Variants in FAM184A observed in about 807,000 individuals in gnomAD.
The protein encoded by FAM184A is family with sequence similarity 184 member A, also known as protein FAM184A.
A neutral mutation model predicts 143.8 loss-of-function variants in FAM184A; 99 were observed. The ratio of observed to expected loss-of-function variants is 0.69; its 90% CI spans 0.58 to 0.81. The LOEUF is 0.81. FAM184A is among the 40% of genes least tolerant of loss of function. The pLI, the probability that FAM184A is intolerant of heterozygous loss-of-function variation, is 0.00. For missense variants in FAM184A, 1,217 were observed against 1,310.5 expected, an observed-to-expected ratio of 0.93 and a Z score of 1.10; for synonymous variants, 427 against 446.4, an observed-to-expected ratio of 0.96 and a Z score of 0.55.
chr6:119,084,779 C>T (rs1788170826), intron 1 of FAM184A, among the ~76,000 whole-genome samples: 1 of 152,236 alleles, frequency 6.6e-6, no homozygotes, highest in Non-Finnish European at 1.5e-5. Context: ...CATACACCCT[C>T]TGAAATCTAG....
Position 119,024,124 on chromosome 6 carries a change from C to T in FAM184A, c.849G>A (p.Lys283=). 6 of 1,614,064 alleles carry T rather than the reference C, an allele frequency of 3.7e-6. No homozygotes were observed. The South Asian group carries it at 6.6e-5, about 18-fold the overall frequency. The stretch of plus-strand genomic sequence containing the variant: ...GAAATTCTTTTCTAAGATCAGCTTC[C>T]TTTTCTTTGCTGGCCTGTAGGCTTT... ...TAESLQASKE[K]EADLRKEFQG... Residue 283 remains lysine (K), a synonymous_variant, in exon 2 of 18, where the codon AAG becomes AAA. Transcript: ENST00000338891.
At chr6:119,005,112 G>A (rs1211348161) in intron 7 of FAM184A, among the ~76,000 whole-genome samples, 1 of 151,928 alleles carries the variant, frequency 6.6e-6, no homozygotes, top group Non-Finnish European at 1.5e-5. Flanking sequence ...TGGTCATCGA[G>A]TTCAGCTTCA....
At chr6:119,058,616 G>C (rs1787102188) in intron 1 of FAM184A, among the ~76,000 whole-genome samples, 1 of 152,184 alleles carries the variant, frequency 6.6e-6, no homozygotes. Context: ...GAGCCTGGCA[G>C]CTTCTTTCTC....
At chr6:118,960,304 G>T in intron 17 of FAM184A, 120 bp from the exon 18 acceptor site, 1 of 739,018 alleles carries the variant, frequency 1.4e-6, no homozygotes, top group Non-Finnish European at 2.2e-6. Flanking sequence ...TGTAAGTCGT[G>T]TTTTAAAGAT....
chr6:119,141,930 C>T (rs706984), intron 1 of FAM184A, among the ~76,000 whole-genome samples: 5,268 of 152,286 alleles, frequency 0.035, 287 homozygotes, highest in African/African-American at 0.12. Flanking sequence ...TACATCATCT[C>T]CTTAAAGGAA....
chr6:119,139,232 C>G (rs1772127428), intron 1 of FAM184A, among the ~76,000 whole-genome samples: 1 of 152,210 alleles, frequency 6.6e-6, no homozygotes, highest in Non-Finnish European at 1.5e-5. Context: ...ACAACCAAAG[C>G]TAAATCAGCC....
rs1783672574 is a variant in FAM184A, at chr6:118,970,805, A to G, written c.2915+3623T>C. Reference sequence around the variant, plus strand: ...TTAGGGCCACTGATGGATTCTCACCAGGCATGCATGCCCTGCTTTCTTTGG... The same window carrying G: ...TTAGGGCCACTGATGGATTCTCACCGGGCATGCATGCCCTGCTTTCTTTGG... On this transcript the variant is annotated intron_variant, in intron 14 of 17. Transcript: ENST00000338891. 2.6e-5 allele frequency among the ~76,000 whole-genome samples: 4 copies of G among 152,252 alleles called. No individual in the cohort carries two copies. In the South Asian group the frequency reaches 6.2e-4, roughly 24 times the overall value.
chr6:119,144,048 G>A (rs1258691379), intron 1 of FAM184A, among the ~76,000 whole-genome samples: 1 of 152,052 alleles, frequency 6.6e-6, no homozygotes, highest in Non-Finnish European at 1.5e-5. Flanking sequence ...CCTCATTCAA[G>A]GAAATATTGT....
intron 1 of FAM184A, among the ~76,000 whole-genome samples, chr6:119,121,142 T>C (rs1011010400): frequency 3.3e-5 from 5 of 151,646 alleles, no homozygotes; most frequent in Non-Finnish European, 7.4e-5. Flanking sequence ...AAGTTTTTCA[T>C]TTGTTTTGAG....
At chr6:119,010,477 C>A (rs1785055669) in intron 6 of FAM184A, among the ~76,000 whole-genome samples, 1 of 152,076 alleles carries the variant, frequency 6.6e-6, no homozygotes, top group African/African-American at 2.4e-5. Flanking sequence ...TTAAATTATA[C>A]AAATTATTTT....
At chr6:119,098,745 T>A (rs1788570291) in intron 1 of FAM184A, among the ~76,000 whole-genome samples, 1 of 152,204 alleles carries the variant, frequency 6.6e-6, no homozygotes, top group South Asian at 2.1e-4. Context: ...CAGAGTTCAG[T>A]CCTCAATTCT....
At chr6:119,041,469 C>T (rs1786328678) in intron 1 of FAM184A, among the ~76,000 whole-genome samples, 1 of 152,178 alleles carries the variant, frequency 6.6e-6, no homozygotes, top group African/African-American at 2.4e-5. Context: ...AATAGCCAAT[C>T]ATCTATCGCC....
intron 16 of FAM184A, chr6:118,964,031 G>GAA (rs1047048510): frequency 6.6e-6 from 1 of 151,952 alleles, no homozygotes; most frequent in African/African-American, 2.4e-5. Flanking sequence ...TTTTAATTAA[G>GAA]AACGGTCATA....
chr6:118,962,800 T>G (rs1298925735), intron 16 of FAM184A: 1 of 152,112 alleles, frequency 6.6e-6, no homozygotes, highest in Non-Finnish European at 1.5e-5. Flanking sequence ...ATCTCTAGAA[T>G]CAATGATCAT....
chr6:119,042,108 C>T (rs1243690348), intron 1 of FAM184A, among the ~76,000 whole-genome samples: 6 of 152,056 alleles, frequency 3.9e-5, no homozygotes, highest in Non-Finnish European at 8.8e-5. Flanking sequence ...ATGGCAAGAC[C>T]AGTTAAGCCT....
intron 1 of FAM184A, chr6:119,025,530 A>T (rs753242052): frequency 1.9e-6 from 1 of 518,678 alleles, no homozygotes; most frequent in East Asian, 5.4e-5. Flanking sequence ...TTTTGAGTAC[A>T]GGTCTTTATT....
chr6:119,060,241 C>T (rs949632417), intron 1 of FAM184A, among the ~76,000 whole-genome samples: 2 of 152,224 alleles, frequency 1.3e-5, no homozygotes, highest in African/African-American at 4.8e-5. Context: ...TGTCTATTTT[C>T]ACCCTGCTCA....
intron 5 of FAM184A, among the ~76,000 whole-genome samples, chr6:119,014,716 C>T (rs1582505325): frequency 6.6e-6 from 1 of 152,300 alleles, no homozygotes; most frequent in South Asian, 2.1e-4. Context: ...AGGTATGTTA[C>T]TCTTTGAACC....
Position 118,980,241 on chromosome 6 carries a change from A to C in FAM184A, c.2198T>G (p.Leu733Arg), listed in dbSNP as rs1783981103. ...TQERQRLTQE[L>R]EELEEQHQQR... ...CTGATGTTGCTCCTCTAATTCTTCA[A>C]GCTCTTGCGTAAGCCGCTGTCGTTC... The change falls in exon 10 of 18, where the codon CTT (leucine) becomes CGT (arginine). Residue 733 changes from leucine to arginine, a missense_variant. Coordinates refer to ENST00000338891, the MANE Select transcript of FAM184A (RefSeq NM_024581.6). 1 of 1,614,006 alleles carries C rather than the reference A, an allele frequency of 6.2e-7. No homozygotes were observed. Among genetic ancestry groups the C allele is most frequent in the Non-Finnish European group, 8.5e-7 (1 of 1,180,016 alleles).
Sources: allele counts gnomAD v4.1 joint callset (sites outside exome capture counted in the v4.1 genomes callset), GRCh38; gene constraint gnomAD v4.1.1; transcripts MANE v1.5; gene names NCBI Gene and HGNC (gene_info 2026-07-23, HGNC 2026-07-21).